DRC7: variants seen among roughly 807,000 people sequenced by gnomAD.
DRC7 encodes the protein dynein regulatory complex subunit 7.
Under a neutral mutation model 104.4 loss-of-function variants are expected in DRC7, and 80 were observed. The ratio of observed to expected loss-of-function variants is 0.77; its 90% CI spans 0.64 to 0.92. The LOEUF (loss-of-function observed/expected upper bound fraction) is 0.92. Ranked by LOEUF, DRC7 falls within the 40% of genes least tolerant of loss-of-function variation. DRC7 has a pLI of 0.00. For missense variants in DRC7, 1,034 were observed against 1,141.1 expected (o/e 0.91, Z 1.35); for synonymous variants, 405 against 447.3 (o/e 0.91, Z 1.19).
chr16:57,724,413 G>T (rs1351790106), intron 12 of DRC7, among the ~76,000 whole-genome samples: 3 of 151,856 alleles, frequency 2.0e-5, no homozygotes, highest in Admixed American at 6.6e-5. Context: ...GCACGATGCA[G>T]ATGTTCATCA....
rs796469292 is a variant in DRC7, at chr16:57,696,570, A to G, written c.-62A>G. 7 of 152,430 alleles carry G rather than the reference A, an allele frequency of 4.6e-5. No individual in the cohort carries two copies. The highest frequency in any genetic ancestry group is 1.7e-4 in the African/African-American group (7 of 41,590). 9.4% of individuals were successfully genotyped at this position (152,430 alleles called of 1,614,324 possible). ...CCCCACACAACTGGGGTTCTGCCGTATAGAAGAGGAGACTGGATCTTTGGG... is the reference window on the plus strand; with the variant it reads ...CCCCACACAACTGGGGTTCTGCCGTGTAGAAGAGGAGACTGGATCTTTGGG... On this transcript the variant is annotated 5_prime_UTR_variant, in exon 2 of 19. Coordinates refer to ENST00000360716, the MANE Select transcript of DRC7 (RefSeq NM_001289162.2).
At chr16:57,696,137 G>A (rs2048590485) in intron 1 of DRC7, among the ~76,000 whole-genome samples, 1 of 152,220 alleles carries the variant, frequency 6.6e-6, no homozygotes, top group Non-Finnish European at 1.5e-5. Flanking sequence ...GACAGAAATG[G>A]AAAGACCCCA....
chr16:57,701,833 T>A (rs1158494511), intron 5 of DRC7, 103 bp from the exon 6 acceptor site: 1 of 1,004,752 alleles, frequency 1.0e-6, no homozygotes, highest in Non-Finnish European at 1.5e-6. Context: ...GCCTGTGCAT[T>A]GGTCCTGGCT....
chr16:57,727,339 C>T lies in DRC7; in HGVS notation c.2126C>T (p.Ala709Val), dbSNP rs147667972. Residue 709 changes from alanine (A) to valine (V), a missense_variant, in exon 16 of 19, where the codon GCG becomes GTG. Coordinates refer to ENST00000360716, the MANE Select transcript of DRC7 (RefSeq NM_001289162.2). ...AAGCTTCGAGAGGAAGAGGAGGCGG[C>T]GCACACACTGACCATCTCCATCTAT... ...ILKLREEEEA[A>V]HTLTISIYDT... is the part of the protein sequence containing the mutation. The T allele has an allele frequency of 1.0e-4, 167 of 1,613,174 alleles. No homozygotes were observed. The highest frequency in any genetic ancestry group is 5.5e-4 in the African/African-American group (41 of 74,836).
chr16:57,703,886 G>A (rs2048684464), intron 6 of DRC7, among the ~76,000 whole-genome samples: 1 of 143,928 alleles, frequency 6.9e-6, no homozygotes, highest in Admixed American at 7.3e-5. Context: ...AGAATCGCTT[G>A]AACCTGCAAG....
chr16:57,725,966 C>T (rs931739641), intron 13 of DRC7, 102 bp from the exon 14 acceptor site: 2 of 985,450 alleles, frequency 2.0e-6, no homozygotes, highest in Admixed American at 2.0e-5. Flanking sequence ...ACCCCAGACT[C>T]CAGTGTCCTG....
intron 9 of DRC7, among the ~76,000 whole-genome samples, 166 bp from the exon 10 acceptor site, chr16:57,721,501 T>G (rs1037532585): frequency 7.2e-5 from 11 of 151,770 alleles, no homozygotes; most frequent in Non-Finnish European, 8.8e-5. Flanking sequence ...CAGAGTCGAC[T>G]CCTCCTTTTC....
Position 57,731,735 on chromosome 16 carries a change from CTCT to C in DRC7, c.*479_*481del, listed in dbSNP as rs1483212943. 1 of 168,656 alleles carries C rather than the reference CTCT, an allele frequency of 5.9e-6. No individual in the cohort carries two copies. The highest frequency in any genetic ancestry group is 1.3e-5 in the Non-Finnish European group (1 of 78,526). The allele number at this position is 168,656 out of a possible 1,614,324, so 10.4% of individuals were successfully genotyped here. A position where few individuals can be genotyped will look rare whatever the true frequency, so the allele number is the denominator to read the frequency against. ...TTTGAGGACTGAATCCCAGCTCCTCCTCTTACCAGATACCACTTACCCATCTGT... is the reference window on the plus strand; with the variant it reads ...TTTGAGGACTGAATCCCAGCTCCTCCTACCAGATACCACTTACCCATCTGT... On this transcript the variant is annotated 3_prime_UTR_variant, in exon 19 of 19. Transcript: ENST00000360716.
intron 5 of DRC7, chr16:57,701,295 G>A (rs984201938): frequency 6.6e-6 from 1 of 152,474 alleles, no homozygotes; most frequent in Non-Finnish European, 1.5e-5. Context: ...AGCTCAGCCA[G>A]GCTCAGGGTA....
At chr16:57,718,322 A>G (rs748059386) in intron 8 of DRC7, 25 bp from the exon 9 acceptor site, 5 of 1,611,740 alleles carry the variant, frequency 3.1e-6, no homozygotes, top group Middle Eastern at 1.7e-4. Flanking sequence ...GGGTACACTC[A>G]GTTGACTGCC....
At chr16:57,729,562 G>A (rs1335267268) in intron 17 of DRC7, among the ~76,000 whole-genome samples, 1 of 75,612 alleles carries the variant, frequency 1.3e-5, no homozygotes, top group Non-Finnish European at 2.6e-5. Flanking sequence ...GGATGGATGA[G>A]TGGGTGGGTG....
chr16:57,696,722 G>C (rs1414351377), intron 2 of DRC7, 128 bp downstream of exon 2: 1 of 152,206 alleles, frequency 6.6e-6, no homozygotes, highest in African/African-American at 2.4e-5. Flanking sequence ...ACAGGCCTTG[G>C]CCAAGAGAGA....
chr16:57,705,715 C>A (rs2048710325), intron 7 of DRC7, among the ~76,000 whole-genome samples: 2 of 146,262 alleles, frequency 1.4e-5, no homozygotes, highest in Non-Finnish European at 3.0e-5. Flanking sequence ...ATCCATCATC[C>A]TCCCATCCAT....
intron 6 of DRC7, among the ~76,000 whole-genome samples, chr16:57,702,620 G>A (rs1187412362): frequency 1.3e-5 from 2 of 152,066 alleles, no homozygotes; most frequent in Non-Finnish European, 2.9e-5. Flanking sequence ...CCAACATGGC[G>A]AAACCCTGTC....
intron 10 of DRC7, 44 bp from the exon 11 acceptor site, chr16:57,722,668 TC>T: frequency 6.2e-7 from 1 of 1,608,450 alleles, no homozygotes; most frequent in Non-Finnish European, 8.5e-7. Context: ...GGCCCTCCCT[TC>T]CCCCAAACTA....
At chr16:57,730,617 C>A (rs1054645431) in intron 17 of DRC7, among the ~76,000 whole-genome samples, 3 of 152,016 alleles carry the variant, frequency 2.0e-5, no homozygotes, top group Non-Finnish European at 2.9e-5. Context: ...AGTACAATGA[C>A]CCTCCTTTTG....
Position 57,731,332 on chromosome 16 carries a change from C to A in DRC7, c.*74C>A. The A allele has an allele frequency of 8.3e-7, 1 of 1,207,466 alleles. No individual in the cohort carries two copies. The highest frequency in any genetic ancestry group is 2.4e-5 in the East Asian group (1 of 41,562). 74.8% of individuals were successfully genotyped at this position (1,207,466 alleles called of 1,614,324 possible). On this transcript the variant is annotated 3_prime_UTR_variant, in exon 19 of 19. Coordinates refer to ENST00000360716, the MANE Select transcript of DRC7 (RefSeq NM_001289162.2). ...TCCCGCAGCCTGGCTCCTGTGTTCC[C>A]TCTATCCAGCCAATGCCTGTTTACA...
chr16:57,730,039 C>A (rs574786127), intron 17 of DRC7, among the ~76,000 whole-genome samples: 35 of 95,802 alleles, frequency 3.7e-4, no homozygotes, highest in African/African-American at 1.4e-3. Context: ...AGTGGAAGGA[C>A]GGATGGACGG....
chr16:57,731,210 G>T lies in DRC7; in HGVS notation c.2577G>T (p.Lys859Asn). ...APLKYLALEE[K>N]LYKDPRLGEL... ...TGAAGTACCTGGCTCTGGAGGAAAA[G>T]CTCTACAAGGACCCACGCCTGGGGG... The change falls in exon 19 of 19, where the codon AAG (lysine) becomes AAT (asparagine). Residue 859 changes from lysine to asparagine, a missense_variant. Transcript: ENST00000360716. 2.5e-6 allele frequency: 4 copies of T among 1,613,828 alleles called. No homozygotes were observed. Among genetic ancestry groups the T allele is most frequent in the Non-Finnish European group, 3.4e-6 (4 of 1,179,984 alleles).
Sources: gnomAD v4.1 joint callset for allele counts (sites outside exome capture counted in the v4.1 genomes callset) on GRCh38, gnomAD v4.1.1 for gene constraint, MANE v1.5 for transcripts, NCBI Gene and HGNC (gene_info 2026-07-23, HGNC 2026-07-21) for gene names.